Variants in ACTR1A observed in about 807,000 individuals in gnomAD.
ACTR1A encodes the protein alpha-centractin.
Under a neutral mutation model 50.7 loss-of-function variants are expected in ACTR1A, and 10 were observed. The observed-to-expected ratio is 0.20, with a 90% CI of 0.12 to 0.33. ACTR1A has a LOEUF of 0.33. Among genes scored for constraint, ACTR1A ranks in the 10% least tolerant of loss-of-function variants. The pLI is 1.00. For synonymous variants in ACTR1A, 177 were observed against 184.2 expected (o/e 0.96, Z 0.32); for missense variants, 253 against 491.7 (o/e 0.51, Z 4.59).
At chr10:102,497,447 G>A (rs2062227714) in intron 1 of ACTR1A, among the ~76,000 whole-genome samples, 1 of 151,960 alleles carries the variant, frequency 6.6e-6, no homozygotes, top group Non-Finnish European at 1.5e-5. Flanking sequence ...ATCTAGGCAT[G>A]GTGGCTTGCT....
intron 1 of ACTR1A, among the ~76,000 whole-genome samples, chr10:102,492,068 C>CT: frequency 2.2e-5 from 1 of 44,982 alleles, no homozygotes; most frequent in Non-Finnish European, 4.2e-5. Flanking sequence ...CCGTGCCCGG[C>CT]CTTTTTTTTT....
chr10:102,495,637 G>C (rs967638793), intron 1 of ACTR1A, among the ~76,000 whole-genome samples: 2 of 151,694 alleles, frequency 1.3e-5, no homozygotes, highest in African/African-American at 4.8e-5. Flanking sequence ...GCTGAGGCAG[G>C]AGAATCTCTT....
intron 1 of ACTR1A, among the ~76,000 whole-genome samples, chr10:102,492,069 CTTTTTTTT>C (rs71016386): frequency 1.1e-5 from 1 of 92,342 alleles, no homozygotes; most frequent in Admixed American, 1.5e-4. Flanking sequence ...CGTGCCCGGC[CTTTTTTTT>C]TTTTTTTTTT....
Position 102,490,556 on chromosome 10 carries a change from G to T in ACTR1A, c.106C>A (p.Pro36Thr). 6.2e-7 allele frequency: 1 copy of T among 1,612,944 alleles called. No homozygotes were observed. Among genetic ancestry groups the T allele is most frequent in the South Asian group, 1.1e-5 (1 of 91,044 alleles). Reference sequence around the variant, plus strand: ...AGCTACAGAATGACTTACTAGTTTGGAAAGCAGTATTTGGGGATCTGATCA... The same window carrying T: ...AGCTACAGAATGACTTACTAGTTTGTAAAGCAGTATTTGGGGATCTGATCA... The part of the protein sequence containing the change: ...AGDQIPKYCF[P>T]NYVGRPKHVR... The change falls in exon 2 of 11, where the codon CCA becomes ACA. Residue 36 changes from proline (P) to threonine (T), a missense_variant. Physicochemically the swap from Pro to Thr is conservative, Grantham distance 38. Transcript: ENST00000369905.
At chr10:102,498,833 C>T (rs1307608977) in intron 1 of ACTR1A, among the ~76,000 whole-genome samples, 1 of 152,046 alleles carries the variant, frequency 6.6e-6, no homozygotes, top group Non-Finnish European at 1.5e-5. Context: ...AAGTGTAGTC[C>T]TCAAAATGTG....
intron 1 of ACTR1A, among the ~76,000 whole-genome samples, chr10:102,500,519 A>G (rs1460134959): frequency 6.6e-6 from 1 of 152,072 alleles, no homozygotes; most frequent in East Asian, 1.9e-4. Flanking sequence ...CAGTGAGCCG[A>G]GATCGCGCCA....
chr10:102,495,047 G>A (rs946290540), intron 1 of ACTR1A, among the ~76,000 whole-genome samples: 11 of 152,002 alleles, frequency 7.2e-5, no homozygotes, highest in African/African-American at 2.7e-4. Context: ...CTGATCTCAA[G>A]TGATCCACCC....
chr10:102,487,520 C>T (rs745323017), intron 4 of ACTR1A, among the ~76,000 whole-genome samples: 37 of 151,970 alleles, frequency 2.4e-4, no homozygotes, highest in Non-Finnish European at 5.0e-4. Flanking sequence ...GCACTCCAGT[C>T]TGGGTGAAAG....
At position 102,485,715 on chromosome 10, in the gene ACTR1A, C is replaced by T. The variant is rs1306135786; in HGVS notation, c.334G>A (p.Glu112Lys). The T allele has an allele frequency of 6.2e-7, 1 of 1,613,962 alleles. No individual in the cohort carries two copies. The highest frequency in any genetic ancestry group is 1.3e-5 in the African/African-American group (1 of 74,918). Reference sequence around the variant, plus strand: ...TTTTTTCGTGGGTTTAAAGGCGCCTCAGTCAGGAGCACAGGATGCTGGTGA... The same window carrying T: ...TTTTTTCGTGGGTTTAAAGGCGCCTTAGTCAGGAGCACAGGATGCTGGTGA... ...FSEEHPVLLT[E>K]APLNPRKNRE... is the part of the protein sequence containing the mutation. Residue 112 changes from glutamate (E) to lysine (K), a missense_variant, in exon 5 of 11, where the codon GAG (glutamate) becomes AAG (lysine). Coordinates refer to ENST00000369905, the MANE Select transcript of ACTR1A (RefSeq NM_005736.4).
chr10:102,492,360 C>T (rs1051565605), intron 1 of ACTR1A, among the ~76,000 whole-genome samples: 5 of 152,108 alleles, frequency 3.3e-5, no homozygotes, highest in Admixed American at 1.3e-4. Context: ...TGAACCACCG[C>T]GCCTGGCCTC....
At chr10:102,499,506 A>G (rs1251999846) in intron 1 of ACTR1A, among the ~76,000 whole-genome samples, 1 of 152,318 alleles carries the variant, frequency 6.6e-6, no homozygotes, top group East Asian at 1.9e-4. Context: ...TGAAACTAAA[A>G]ATGCATCACT....
At chr10:102,485,959 C>T (rs1035486393) in intron 4 of ACTR1A, among the ~76,000 whole-genome samples, 1 of 152,198 alleles carries the variant, frequency 6.6e-6, no homozygotes, top group Admixed American at 6.5e-5. Flanking sequence ...CAGCTGTGCC[C>T]CCCAACTCCC....
chr10:102,485,467 T>C (rs887322055), intron 5 of ACTR1A, 142 bp downstream of exon 5: 10 of 1,150,488 alleles, frequency 8.7e-6, no homozygotes, highest in African/African-American at 1.6e-5. Context: ...AGCAAAAGCC[T>C]CTCTCTCTTT....
At position 102,482,915 on chromosome 10, in the gene ACTR1A, T is replaced by A. The variant is rs74431432; in HGVS notation, c.750+96A>T. On this transcript the variant is annotated intron_variant, in intron 7 of 10. Coordinates refer to ENST00000369905, the MANE Select transcript of ACTR1A (RefSeq NM_005736.4). The surrounding 1 kb of genome is among the most constrained non-coding windows in gnomAD (Gnocchi z 5.6). ...TTGGACAAGCTTGGTGTAAAGGGAC[T>A]GGCCTGCCAGACTCCAGACCCTGAT... is the stretch of plus-strand genomic sequence containing the variant. 4.0e-5 allele frequency: 41 copies of A among 1,028,884 alleles called. No individual in the cohort carries two copies. In the East Asian group the frequency reaches 9.7e-4, roughly 24 times the overall value. The allele number at this position is 1,028,884 out of a possible 1,614,324, so 63.7% of individuals were successfully genotyped here.
At chr10:102,501,812 G>T (rs1313600548) in intron 1 of ACTR1A, among the ~76,000 whole-genome samples, 1 of 152,218 alleles carries the variant, frequency 6.6e-6, no homozygotes, top group East Asian at 1.9e-4. Context: ...GCGCTAGAGC[G>T]CCAGGCAAAT....
At chr10:102,492,069 CTTTTTT>C (rs71016386) in intron 1 of ACTR1A, among the ~76,000 whole-genome samples, 3 of 92,342 alleles carry the variant, frequency 3.2e-5, no homozygotes, top group South Asian at 4.1e-4. Context: ...CGTGCCCGGC[CTTTTTT>C]TTTTTTTTTT....
intron 1 of ACTR1A, among the ~76,000 whole-genome samples, chr10:102,497,779 A>G (rs2062229385): frequency 6.6e-6 from 1 of 151,960 alleles, no homozygotes; most frequent in Non-Finnish European, 1.5e-5. Flanking sequence ...TGTTTTGCGG[A>G]TTATTTGTAA....
rs754078190 is a variant in ACTR1A at position 102,481,882 on chromosome 10, G to A, written c.942C>T (p.Leu314=). The change falls in exon 9 of 11, where the codon CTC becomes CTT. Residue 314 remains leucine (L), a synonymous_variant. Coordinates refer to ENST00000369905, the MANE Select transcript of ACTR1A (RefSeq NM_005736.4). ...STLFKGFGDR[L]LSEVKKLAPK... is the part of the protein sequence containing the mutation. ...GAGCTAGTTTCTTCACTTCACTCAG[G>A]AGCCTGTCACCAAAACCTGAATGGG... is the stretch of plus-strand genomic sequence containing the variant. 22 of 1,612,654 alleles carry A rather than the reference G, an allele frequency of 1.4e-5. No individual in the cohort carries two copies. In the Admixed American group the frequency reaches 2.5e-4, roughly 18 times the overall value.
chr10:102,489,754 C>T (rs1208497849), intron 2 of ACTR1A, among the ~76,000 whole-genome samples: 1 of 152,192 alleles, frequency 6.6e-6, no homozygotes, highest in Non-Finnish European at 1.5e-5. Context: ...GCAGGAGTTG[C>T]AGTGAGCCGA....
Sources: allele counts gnomAD v4.1 joint callset (sites outside exome capture counted in the v4.1 genomes callset), GRCh38; gene constraint gnomAD v4.1.1; non-coding constraint Gnocchi (gnomAD v3.1); transcripts MANE v1.5; gene names NCBI Gene and HGNC (gene_info 2026-07-23, HGNC 2026-07-21).